Variants in PIF1 observed in about 807,000 individuals in gnomAD.
PIF1 encodes the protein PIF1 5'-to-3' DNA helicase.
PIF1 carries 67 observed loss-of-function variants against 62.3 expected under a neutral mutation model. That is an observed-to-expected ratio of 1.08 (90% CI 0.88 to 1.32). The LOEUF (loss-of-function observed/expected upper bound fraction) is 1.32. Ranked by LOEUF, PIF1 falls within the 40% of genes most tolerant of loss-of-function variation. The probability of loss-of-function intolerance (pLI) is 0.00; values close to 1 mark genes in which losing one functional copy is unlikely to be tolerated. For synonymous variants in PIF1, 364 were observed against 379.5 expected (o/e 0.96, Z 0.47); for missense variants, 886 against 866.1 (o/e 1.02, Z -0.29).
At chr15:64,816,403 C>T (rs1367137626) in intron 12 of PIF1, 46 bp from the exon 13 acceptor site, 41 of 1,612,404 alleles carry the variant, frequency 2.5e-5, no homozygotes, top group Non-Finnish European at 3.1e-5. Context: ...GTGCTGTTCC[C>T]CAGGACCATA....
chr15:64,818,150 G>T (rs1475559284), intron 10 of PIF1, 59 bp from the exon 11 acceptor site: 11 of 1,611,388 alleles, frequency 6.8e-6, no homozygotes, highest in Non-Finnish European at 9.3e-6. Context: ...GAGGTGAGGA[G>T]CAGGGGCCTT....
Position 64,822,285 on chromosome 15 carries a change from G to A in PIF1, c.798C>T (p.Thr266=), listed in dbSNP as rs8031690. Residue 266 remains threonine, a synonymous_variant, in exon 4 of 13, where the codon ACC becomes ACT. Transcript: ENST00000559239. ...ACTTACCTGCAAAGGCATGGAGGGT[G>A]GTGCCCCCGATGTGGCAGGCTGCCA... ...TGVAACHIGG[T]TLHAFAGIGS... 0.028 allele frequency: 45,830 copies of A among 1,613,770 alleles called. 5,278 individuals are homozygous for A. In the African/African-American group the frequency reaches 0.31, roughly 11 times the overall value.
In PIF1 at chr15:64,824,221, G is replaced by T; in HGVS notation, c.115C>A (p.Arg39Ser). 7.5e-7 allele frequency: 1 copy of T among 1,339,232 alleles called. No homozygotes were observed. The highest frequency in any genetic ancestry group is 9.6e-7 in the Non-Finnish European group (1 of 1,038,290). 83.0% of individuals were successfully genotyped at this position (1,339,232 alleles called of 1,614,324 possible). ...CGACCCAGGCTCAGCTCCGCGGTGC[G>T]CAGGGCCTGGCGCCTTCGCGGCTGC... Reference protein sequence around the residue: ...GGQPRRRQALRTAELSLGRNE... With the variant: ...GGQPRRRQALSTAELSLGRNE... The change falls in exon 2 of 13, where the codon CGC becomes AGC. Residue 39 changes from arginine (R) to serine (S), a missense_variant. Physicochemically the swap from Arg to Ser is moderately radical, Grantham distance 110. Coordinates refer to ENST00000559239, the MANE Select transcript of PIF1 (RefSeq NM_001286496.2).
upstream of PIF1, among the ~76,000 whole-genome samples, chr15:64,825,909 G>A (rs1035664452): frequency 5.3e-5 from 8 of 152,150 alleles, no homozygotes; most frequent in African/African-American, 1.9e-4. Flanking sequence ...GGCGCGTGGT[G>A]TCGGGTCTGA....
chr15:64,821,375 G>C lies in PIF1; in HGVS notation c.963C>G (p.Ala321=). The change falls in exon 5 of 13, where the codon GCC becomes GCG. Residue 321 remains alanine (A), a synonymous_variant. Coordinates refer to ENST00000559239, the MANE Select transcript of PIF1 (RefSeq NM_001286496.2). The part of the protein sequence containing the change: ...VEADLFDKLE[A]VARAVRQQNK... ...CCTCTGAACATACTGACCTGGCCACGGCCTCCAGTTTGTCAAACAGGTCTG... is the reference window on the plus strand; with the variant it reads ...CCTCTGAACATACTGACCTGGCCACCGCCTCCAGTTTGTCAAACAGGTCTG... 1 of 1,613,920 alleles carries C rather than the reference G, an allele frequency of 6.2e-7. No individual in the cohort carries two copies. Among genetic ancestry groups the C allele is most frequent in the East Asian group, 2.2e-5 (1 of 44,860 alleles).
chr15:64,819,046 G>A (rs1044383040), intron 9 of PIF1, 71 bp downstream of exon 9: 3 of 1,195,966 alleles, frequency 2.5e-6, no homozygotes, highest in Middle Eastern at 2.7e-4. Context: ...CCTGGGCAGA[G>A]GGGTAGGGAT....
intron 8 of PIF1, among the ~76,000 whole-genome samples, chr15:64,819,614 A>G (rs2084253941): frequency 6.6e-6 from 1 of 152,108 alleles, no homozygotes; most frequent in Non-Finnish European, 1.5e-5. Flanking sequence ...CAGCCTCCAA[A>G]AAAAACTATT....
chr15:64,823,909 G>A lies in PIF1; in HGVS notation c.427C>T (p.Arg143Trp), dbSNP rs2084325576. The A allele has an allele frequency of 8.1e-6, 11 of 1,356,220 alleles. No homozygotes were observed. In the East Asian group the frequency reaches 1.1e-4, roughly 14 times the overall value. The allele number at this position is 1,356,220 out of a possible 1,614,324, so 84.0% of individuals were successfully genotyped here. A position where few individuals can be genotyped will look rare whatever the true frequency, so the allele number is the denominator to read the frequency against. Residue 143 changes from arginine to tryptophan, a missense_variant, in exon 2 of 13, where the codon CGG becomes TGG. Transcript: ENST00000559239. ...CTGATGGTGACGAAGTCGCGGGGCC[G>A]CGGGCCCAGCAGCTGCGCTCGGGCG... The part of the protein sequence containing the change: ...ASARAQLLGP[R>W]PRDFVTISPV...
upstream of PIF1, among the ~76,000 whole-genome samples, chr15:64,826,462 G>A (rs2084367914): frequency 6.7e-6 from 1 of 150,278 alleles, no homozygotes. Context: ...GGCTCACTCT[G>A]TCGCCCAGGC....
At position 64,824,191 on chromosome 15, in the gene PIF1, C is replaced by A. The variant is rs75683534; in HGVS notation, c.145G>T (p.Glu49Ter). 26,594 of 1,346,818 alleles carry A rather than the reference C, an allele frequency of 0.02. 343 individuals are homozygous for A. Among genetic ancestry groups the A allele is most frequent in the Non-Finnish European group, 0.022 (23,494 of 1,044,976 alleles). The allele number at this position is 1,346,818 out of a possible 1,614,324, so 83.4% of individuals were successfully genotyped here. The stretch of plus-strand genomic sequence containing the variant: ...AGCCGCAGCATCAACTCGCGGCGCT[C>A]GTTGCGACCCAGGCTCAGCTCCGCG... Reference protein sequence around the residue: ...RTAELSLGRNERRELMLRLQA... With the variant: ...RTAELSLGRN Residue 49 changes from glutamate to a stop codon, truncating the protein, a stop_gained, in exon 2 of 13, where the codon GAG (glutamate) becomes TAG (stop). Transcript: ENST00000559239. LOFTEE classifies it high-confidence loss of function.
Position 64,822,468 on chromosome 15 carries a change from C to T in PIF1, c.691+10G>A, listed in dbSNP as rs772300460. On this transcript the variant is annotated intron_variant, in intron 3 of 12. Transcript: ENST00000559239. ...CCACTGTCCCCCTACCTCCTCTCTG[C>T]CCCCACTACCTGCACTCCCAGTGAA... is the stretch of plus-strand genomic sequence containing the variant. 3 of 1,614,076 alleles carry T rather than the reference C, an allele frequency of 1.9e-6. No individual in the cohort carries two copies. Among genetic ancestry groups the T allele is most frequent in the Admixed American group, 1.7e-5 (1 of 60,014 alleles).
In PIF1 at chr15:64,816,253, G is replaced by A. The variant is rs1406232028; in HGVS notation, c.*45C>T. The A allele has an allele frequency of 3.7e-6, 6 of 1,611,976 alleles. No homozygotes were observed. The highest frequency in any genetic ancestry group is 1.8e-4 in the Middle Eastern group (1 of 5,492). On this transcript the variant is annotated 3_prime_UTR_variant, in exon 13 of 13. Transcript: ENST00000559239. Reference sequence around the variant, plus strand: ...CTGGGCCACTAGGGAGCAGGAGGACGGGGAGGCCACAGGCCACCCTTTGTC... The same window carrying A: ...CTGGGCCACTAGGGAGCAGGAGGACAGGGAGGCCACAGGCCACCCTTTGTC...
upstream of PIF1, among the ~76,000 whole-genome samples, chr15:64,826,810 C>T (rs994874398): frequency 6.7e-5 from 10 of 150,304 alleles, no homozygotes; most frequent in Admixed American, 2.7e-4. Context: ...AGGCTTGTCT[C>T]GAACTCCGGA....
rs1283918197 is a variant in PIF1 at position 64,821,596 on chromosome 15, A to C, written c.818-76T>G. The C allele has an allele frequency of 3.1e-5, 44 of 1,425,988 alleles. 1 individual carries two copies. The highest frequency in any genetic ancestry group is 4.9e-4 in the Middle Eastern group (2 of 4,116). The allele number at this position is 1,425,988 out of a possible 1,614,324, so 88.3% of individuals were successfully genotyped here. The stretch of plus-strand genomic sequence containing the variant: ...TTTTTTTTTTTTTTTTTTTGAGAGA[A>C]GGTCTCTTTCTGTCACCCAGGCTGA... On this transcript the variant is annotated intron_variant, in intron 4 of 12. Coordinates refer to ENST00000559239, the MANE Select transcript of PIF1 (RefSeq NM_001286496.2).
Position 64,823,958 on chromosome 15 carries a change from C to T in PIF1, c.378G>A (p.Ala126=), listed in dbSNP as rs2084326889. 1 of 1,304,128 alleles carries T rather than the reference C, an allele frequency of 7.7e-7. No homozygotes were observed. Among genetic ancestry groups the T allele is most frequent in the South Asian group, 2.3e-5 (1 of 43,536 alleles). The allele number at this position is 1,304,128 out of a possible 1,614,324, so 80.8% of individuals were successfully genotyped here. The part of the protein sequence containing the change: ...FLRTLRLKLA[A]APGPGPASAR... ...CGGAGGCCGGCCCGGGACCCGGGGCCGCAGCCAGCTTGAGGCGCAATGTGC... is the reference window on the plus strand; with the variant it reads ...CGGAGGCCGGCCCGGGACCCGGGGCTGCAGCCAGCTTGAGGCGCAATGTGC... The change falls in exon 2 of 13, where the codon GCG becomes GCA. Residue 126 remains alanine (A), a synonymous_variant. Coordinates refer to ENST00000559239, the MANE Select transcript of PIF1 (RefSeq NM_001286496.2).
chr15:64,818,390 C>G (rs772903871), intron 9 of PIF1, 46 bp from the exon 10 acceptor site: 7 of 1,577,268 alleles, frequency 4.4e-6, no homozygotes, highest in Non-Finnish European at 6.1e-6. Context: ...CTACCCATGC[C>G]TGGTCTTAGC....
Position 64,816,646 on chromosome 15 carries a change from G to A in PIF1, c.1794C>T (p.Pro598=), listed in dbSNP as rs767811726. The A allele has an allele frequency of 3.7e-6, 6 of 1,614,108 alleles. No individual in the cohort carries two copies. Among genetic ancestry groups the A allele is most frequent in the Admixed American group, 1.7e-5 (1 of 60,012 alleles). Residue 598 remains proline, a synonymous_variant, in exon 12 of 13, where the codon CCC becomes CCT. Transcript: ENST00000559239. ...LQGLRVLDFD[P]MAVRCDPRVL... is the part of the protein sequence containing the mutation. ...CACGGGGGTCACAGCGAACCGCCATGGGGTCAAAGTCCAGCACACGTAGGC... is the reference window on the plus strand; with the variant it reads ...CACGGGGGTCACAGCGAACCGCCATAGGGTCAAAGTCCAGCACACGTAGGC...
chr15:64,824,994 T>TACAC lies in PIF1; in HGVS notation c.-20+574_-20+575insGTGT, dbSNP rs200115381. Among the ~76,000 whole-genome samples, 302 of 130,950 alleles carry TACAC rather than the reference T, an allele frequency of 2.3e-3. 1 individual carries two copies. Among genetic ancestry groups the TACAC allele is most frequent in the African/African-American group, 7.0e-3 (254 of 36,200 alleles). The allele number at this position is 130,950 out of a possible 152,430, so 85.9% of individuals were successfully genotyped here. A position where few individuals can be genotyped will look rare whatever the true frequency, so the allele number is the denominator to read the frequency against. ...ACACAATATATATACAATTTCTATA[T>TACAC]ATATACACACACACACACACACACA... On this transcript the variant is annotated intron_variant, in intron 1 of 12. Transcript: ENST00000559239.
In PIF1 at chr15:64,820,993, C is replaced by T. The variant is rs1271608296; in HGVS notation, c.1182G>A (p.Val394=). The T allele has an allele frequency of 1.1e-5, 17 of 1,613,874 alleles. No individual in the cohort carries two copies. Among genetic ancestry groups the T allele is most frequent in the Non-Finnish European group, 1.4e-5 (17 of 1,179,938 alleles). ...CCAGCAGAGCTCACCTGCCTAGCCT[C>T]ACGGCCTGCAGTAGAGAGATGAAGG... ...DQTFISLLQA[V]RLGRCSDEVT... The change falls in exon 7 of 13, where the codon GTG becomes GTA. Residue 394 remains valine, a synonymous_variant. Coordinates refer to ENST00000559239, the MANE Select transcript of PIF1 (RefSeq NM_001286496.2).
Sources: gnomAD v4.1 joint callset for allele counts (sites outside exome capture counted in the v4.1 genomes callset) on GRCh38, gnomAD v4.1.1 for gene constraint, MANE v1.5 for transcripts, NCBI Gene and HGNC (gene_info 2026-07-23, HGNC 2026-07-21) for gene names.